The following KAZN variants were observed in gnomAD, a reference collection of about 807,000 sequenced individuals.
The protein encoded by KAZN is kazrin.
KAZN carries 40 observed loss-of-function variants against 87.4 expected under a neutral mutation model. The observed-to-expected ratio is 0.46, with a 90% CI of 0.36 to 0.60. The LOEUF (loss-of-function observed/expected upper bound fraction) is 0.60, where lower values mean the gene tolerates loss of function less well. Ranked by LOEUF, KAZN falls within the 20% of genes least tolerant of loss-of-function variation. The probability of loss-of-function intolerance (pLI) is 0.00; values close to 1 mark genes in which losing one functional copy is unlikely to be tolerated. For missense variants in KAZN, 898 were observed against 1,073.9 expected (o/e 0.84, Z 2.29); for synonymous variants, 466 against 458.3 (o/e 1.02, Z -0.22).
chr1:14,211,700 A>G (rs1455678247), intron 2 of KAZN, among the ~76,000 whole-genome samples: 1 of 152,158 alleles, frequency 6.6e-6, no homozygotes, highest in Non-Finnish European at 1.5e-5. Flanking sequence ...TAATAGCTTA[A>G]AATTGGCCAT....
intron 1 of KAZN, among the ~76,000 whole-genome samples, chr1:14,138,648 G>A (rs1645162166): frequency 6.6e-6 from 1 of 152,140 alleles, no homozygotes; most frequent in African/African-American, 2.4e-5. Context: ...TATCAGGTAG[G>A]CAATGGCGTA....
chr1:14,276,515 C>T (rs1652370718), intron 2 of KAZN, among the ~76,000 whole-genome samples: 1 of 152,088 alleles, frequency 6.6e-6, no homozygotes, highest in African/African-American at 2.4e-5. Context: ...AGGGTTGGTT[C>T]CTCTGAGGGA....
At chr1:14,169,628 G>T (rs777046430) in intron 1 of KAZN, among the ~76,000 whole-genome samples, 8 of 152,198 alleles carry the variant, frequency 5.3e-5, no homozygotes, top group Non-Finnish European at 1.0e-4. Context: ...CTGCAGCAGG[G>T]TCACCCTGGT....
chr1:14,025,006 C>G (rs956531917), intron 1 of KAZN, among the ~76,000 whole-genome samples: 1 of 152,180 alleles, frequency 6.6e-6, no homozygotes, highest in East Asian at 1.9e-4. Context: ...AAAATTAGGT[C>G]AGATCAAAGC....
intron 1 of KAZN, among the ~76,000 whole-genome samples, chr1:13,968,970 A>G (rs1642040334): frequency 6.6e-6 from 1 of 152,218 alleles, no homozygotes; most frequent in South Asian, 2.1e-4. Flanking sequence ...TCTAATAAGT[A>G]TCTCAACTTA....
At chr1:14,488,315 G>A (rs1669461593) in intron 2 of KAZN, among the ~76,000 whole-genome samples, 1 of 152,132 alleles carries the variant, frequency 6.6e-6, no homozygotes, top group Non-Finnish European at 1.5e-5. Flanking sequence ...AAAGACAGGA[G>A]GATGCTGAAA....
At chr1:14,246,521 ATAT>A (rs935085323) in intron 2 of KAZN, among the ~76,000 whole-genome samples, 4 of 152,164 alleles carry the variant, frequency 2.6e-5, no homozygotes, top group African/African-American at 4.8e-5. Context: ...AAGCTATGAA[ATAT>A]TATATGCATA....
intron 1 of KAZN, among the ~76,000 whole-genome samples, chr1:13,902,969 A>T (rs1639303001): frequency 6.6e-6 from 1 of 152,216 alleles, no homozygotes. Context: ...ATGGGTGAGT[A>T]AGGCTCAGCC....
chr1:14,129,724 C>T (rs1644951267), intron 1 of KAZN, among the ~76,000 whole-genome samples: 1 of 152,044 alleles, frequency 6.6e-6, no homozygotes, highest in African/African-American at 2.4e-5. Flanking sequence ...AAAAGGGAGC[C>T]ATCACATGGA....
At chr1:14,319,330 C>T (rs1041359956) in intron 2 of KAZN, among the ~76,000 whole-genome samples, 4 of 151,918 alleles carry the variant, frequency 2.6e-5, no homozygotes, top group African/African-American at 9.7e-5. Flanking sequence ...TACTGAATCA[C>T]CAGGGATAAC....
intron 1 of KAZN, among the ~76,000 whole-genome samples, chr1:14,840,971 A>C (rs560823447): frequency 6.6e-6 from 1 of 152,202 alleles, no homozygotes; most frequent in Admixed American, 6.5e-5. Context: ...TGATAGGTAG[A>C]TAGGGAAATA....
At chr1:14,352,033 A>G (rs143974121) in intron 2 of KAZN, among the ~76,000 whole-genome samples, 1 of 152,242 alleles carries the variant, frequency 6.6e-6, no homozygotes, top group East Asian at 1.9e-4. Context: ...TGGGGTAAGT[A>G]GCATTTTACA....
intron 1 of KAZN, among the ~76,000 whole-genome samples, chr1:14,030,497 G>C (rs1439988834): frequency 2.6e-5 from 4 of 151,910 alleles, no homozygotes; most frequent in Non-Finnish European, 5.9e-5. Flanking sequence ...GAGTTAGTGG[G>C]TGCAGCGCAC....
intron 2 of KAZN, among the ~76,000 whole-genome samples, chr1:14,338,222 C>T (rs1055741299): frequency 6.6e-6 from 1 of 151,940 alleles, no homozygotes; most frequent in African/African-American, 2.4e-5. Flanking sequence ...ACCTGTAATC[C>T]CAACACTTTG....
rs748494823 is a variant in KAZN at position 14,856,285 on chromosome 1, A to AT, written c.227-104397dup. The stretch of plus-strand genomic sequence containing the variant: ...TATTAAGTGAATGTGAAGAATACAT[A>AT]TTCCCTGCTTTTATGGGTACCTATG... On this transcript the variant is annotated intron_variant, in intron 1 of 14. Transcript: ENST00000376030. This position sits in a 1 kb window ranked among gnomAD's most constrained non-coding sequence, Gnocchi z 5.2. 6.0e-4 allele frequency among the ~76,000 whole-genome samples: 91 copies of AT among 152,316 alleles called. 1 individual carries two copies. In the Middle Eastern group the frequency reaches 0.01, roughly 17 times the overall value.
chr1:14,147,534 C>G (rs1410435521), intron 1 of KAZN, among the ~76,000 whole-genome samples: 2 of 152,220 alleles, frequency 1.3e-5, no homozygotes, highest in Non-Finnish European at 2.9e-5. Flanking sequence ...TGGCTCATGC[C>G]TGTAATCCCA....
At chr1:14,827,295 G>A (rs1161788245) in intron 1 of KAZN, among the ~76,000 whole-genome samples, 1 of 152,084 alleles carries the variant, frequency 6.6e-6, no homozygotes, top group East Asian at 1.9e-4. Flanking sequence ...GGGTACAGGT[G>A]GCATTTGGTT....
intron 1 of KAZN, chr1:14,924,370 G>A: frequency 3.0e-6 from 3 of 989,522 alleles, no homozygotes; most frequent in Non-Finnish European, 3.6e-6. Flanking sequence ...CCGGCATGCG[G>A]GCGGCCGACT....
intron 2 of KAZN, among the ~76,000 whole-genome samples, chr1:14,240,169 C>G (rs1648811206): frequency 6.6e-6 from 1 of 152,200 alleles, no homozygotes. Context: ...TGGACCTAGG[C>G]TGAAAGATAC....
Sources: allele counts gnomAD v4.1 joint callset (sites outside exome capture counted in the v4.1 genomes callset), GRCh38; gene constraint gnomAD v4.1.1; non-coding constraint Gnocchi (gnomAD v3.1); transcripts MANE v1.5; gene names NCBI Gene and HGNC (gene_info 2026-07-23, HGNC 2026-07-21).